Variants in LRRC7 observed in about 807,000 individuals in gnomAD.
LRRC7 encodes leucine-rich repeat-containing protein 7.
Under a neutral mutation model 175.7 loss-of-function variants are expected in LRRC7, and 23 were observed. The observed-to-expected ratio is 0.13, with a 90% CI of 0.09 to 0.19. The LOEUF (loss-of-function observed/expected upper bound fraction) is 0.19. LRRC7 is among the 10% of genes least tolerant of loss of function. LRRC7 has a pLI of 1.00. For missense variants in LRRC7, 1,354 were observed against 1,904.7 expected (o/e 0.71, Z 5.38); for synonymous variants, 685 against 680.9 (o/e 1.01, Z -0.09).
chr1:69,706,473 T>A (rs1393550074), intron 2 of LRRC7, among the ~76,000 whole-genome samples: 1 of 152,220 alleles, frequency 6.6e-6, no homozygotes, highest in Non-Finnish European at 1.5e-5. Flanking sequence ...AGAGACTAGA[T>A]CACACTGTTT....
intron 15 of LRRC7, among the ~76,000 whole-genome samples, chr1:70,020,613 C>G (rs552844528): frequency 1.2e-3 from 185 of 152,030 alleles, no homozygotes; most frequent in African/African-American, 4.3e-3. Flanking sequence ...TGAGCAAGTC[C>G]CTTAAAACTC....
chr1:69,685,322 G>A (rs1167921199), intron 2 of LRRC7, among the ~76,000 whole-genome samples: 1 of 152,054 alleles, frequency 6.6e-6, no homozygotes, highest in Non-Finnish European at 1.5e-5. Flanking sequence ...TCAAAATGCA[G>A]TTGACTGTAA....
intron 2 of LRRC7, among the ~76,000 whole-genome samples, chr1:69,708,183 A>G (rs1624122): frequency 0.075 from 11,449 of 152,276 alleles, 542 homozygotes; most frequent in African/African-American, 0.13. Context: ...AAACCTAAGT[A>G]AAAACAATGT....
intron 7 of LRRC7, among the ~76,000 whole-genome samples, chr1:69,889,838 A>AGAGGAGGAG (rs60974303): frequency 6.6e-6 from 1 of 150,974 alleles, no homozygotes; most frequent in Admixed American, 6.6e-5. Context: ...AAGAAGAAGG[A>AGAGGAGGAG]GAGGAGGAGG....
At position 70,128,999 on chromosome 1, in the gene LRRC7, A is replaced by G. The variant is rs1325113197; in HGVS notation, c.*7112A>G. Among the ~76,000 whole-genome samples, 1 of 152,088 alleles carries G rather than the reference A, an allele frequency of 6.6e-6. No individual in the cohort carries two copies. Among genetic ancestry groups the G allele is most frequent in the Non-Finnish European group, 1.5e-5 (1 of 68,024 alleles). On this transcript the variant is annotated 3_prime_UTR_variant, in exon 27 of 27. Transcript: ENST00000651989. Reference sequence around the variant, plus strand: ...GGTGACTTATGCCTGTAATCCCAGCACTTAGGGAGGCCGAGGCAGGTGGAT... The same window carrying G: ...GGTGACTTATGCCTGTAATCCCAGCGCTTAGGGAGGCCGAGGCAGGTGGAT...
Position 70,028,266 on chromosome 1 carries a change from T to C in LRRC7, c.1890T>C (p.His630=), listed in dbSNP as rs1658336166. The C allele has an allele frequency of 1.9e-6, 3 of 1,613,792 alleles. No homozygotes were observed. The highest frequency in any genetic ancestry group is 2.5e-6 in the Non-Finnish European group (3 of 1,179,776). Residue 630 remains histidine (H), a synonymous_variant, in exon 18 of 27, where the codon CAT becomes CAC. Coordinates refer to ENST00000651989, the MANE Select transcript of LRRC7 (RefSeq NM_001370785.2). ...SVQNLVGKPS[H]GVRVENSNPT... The stretch of plus-strand genomic sequence containing the variant: ...AAAATTTGGTGGGTAAGCCAAGCCA[T>C]GGAGTGCGTGTTGAGAATTCAAATC...
intron 2 of LRRC7, among the ~76,000 whole-genome samples, chr1:69,736,982 T>C (rs910896418): frequency 2.6e-5 from 4 of 152,148 alleles, no homozygotes; most frequent in Non-Finnish European, 5.9e-5. Flanking sequence ...TACTGTTTAC[T>C]TCTTCATAGC....
At chr1:69,964,158 A>G (rs1409312854) in intron 8 of LRRC7, among the ~76,000 whole-genome samples, 1 of 152,186 alleles carries the variant, frequency 6.6e-6, no homozygotes, top group Admixed American at 6.6e-5. Flanking sequence ...CTTTGGGCAC[A>G]TTCGTTTGGT....
chr1:69,929,894 C>T (rs12751773), intron 7 of LRRC7, among the ~76,000 whole-genome samples: 54,874 of 151,990 alleles, frequency 0.36, 12,133 homozygotes, highest in East Asian at 0.55. Context: ...CTCCCTCTCT[C>T]TCTCTTCTTT....
chr1:69,633,540 TG>T (rs1289869171), intron 1 of LRRC7, among the ~76,000 whole-genome samples: 1 of 152,088 alleles, frequency 6.6e-6, no homozygotes, highest in Non-Finnish European at 1.5e-5. Flanking sequence ...TCAATTCTCC[TG>T]CCTCAGCCTC....
intron 5 of LRRC7, among the ~76,000 whole-genome samples, chr1:69,830,295 G>T (rs1045897527): frequency 6.6e-5 from 10 of 151,752 alleles, no homozygotes; most frequent in Non-Finnish European, 1.5e-4. Flanking sequence ...GTGACCAAGT[G>T]TCTCTGTTTG....
At chr1:69,727,348 G>C (rs978588429) in intron 2 of LRRC7, among the ~76,000 whole-genome samples, 8 of 152,056 alleles carry the variant, frequency 5.3e-5, no homozygotes, top group Non-Finnish European at 8.8e-5. Flanking sequence ...TGCTGTAAGG[G>C]GTTTTTATAA....
intron 18 of LRRC7, among the ~76,000 whole-genome samples, chr1:70,031,482 ATACCTAGGAGT>A (rs1658715146): frequency 6.6e-6 from 1 of 152,192 alleles, no homozygotes; most frequent in Non-Finnish European, 1.5e-5. Context: ...ACCAAAATAA[ATACCTAGGAGT>A]TTCATTTAAG....
intron 25 of LRRC7, among the ~76,000 whole-genome samples, chr1:70,093,315 A>G (rs1664159872): frequency 6.6e-6 from 1 of 152,148 alleles, no homozygotes. Flanking sequence ...GCTCTTTATA[A>G]ATATGAATTT....
chr1:69,694,456 C>T (rs1662298596), intron 2 of LRRC7, among the ~76,000 whole-genome samples: 1 of 152,170 alleles, frequency 6.6e-6, no homozygotes, highest in East Asian at 1.9e-4. Flanking sequence ...TCATTCCAGA[C>T]ATTCCACACT....
intron 2 of LRRC7, among the ~76,000 whole-genome samples, chr1:69,709,014 C>T (rs1412303072): frequency 2.0e-5 from 3 of 152,160 alleles, no homozygotes; most frequent in Non-Finnish European, 2.9e-5. Flanking sequence ...ATCCGATCTA[C>T]TACAAAAAGG....
intron 4 of LRRC7, among the ~76,000 whole-genome samples, chr1:69,814,321 T>C (rs1678325568): frequency 6.6e-6 from 1 of 152,162 alleles, no homozygotes; most frequent in South Asian, 2.1e-4. Context: ...ATCATATTGC[T>C]TAATACAGCT....
rs747733940 is a variant in LRRC7 at position 70,038,960 on chromosome 1, C to G, written c.3136C>G (p.Leu1046Val). Residue 1046 changes from leucine (L) to valine (V), a missense_variant, in exon 21 of 27, where the codon CTC becomes GTC. By Grantham distance (32) the Leu-to-Val change is conservative. Around this residue, in one of 4 missense-constraint regions of LRRC7, gnomAD observed 1,032 missense variants for 1,227.2 expected, o/e 0.84. Transcript: ENST00000651989. Reference sequence around the variant, plus strand: ...AGTCCCAATGCTGGATGATGAGATGCTCACCTACGGAAGTAGTAAGGGGCC... The same window carrying G: ...AGTCCCAATGCTGGATGATGAGATGGTCACCTACGGAAGTAGTAAGGGGCC... ...QSVPMLDDEM[L>V]TYGSSKGPQQ... The G allele has an allele frequency of 2.5e-6, 4 of 1,613,824 alleles. No individual in the cohort carries two copies. Among genetic ancestry groups the G allele is most frequent in the Non-Finnish European group, 3.4e-6 (4 of 1,179,982 alleles).
chr1:69,980,331 T>C (rs1653291350), intron 8 of LRRC7, 48 bp from the exon 9 acceptor site: 1 of 1,401,052 alleles, frequency 7.1e-7, no homozygotes, highest in Non-Finnish European at 1.0e-6. Context: ...AAGTAAAAAC[T>C]AATTTAATTT....
Sources: gnomAD v4.1 joint callset for allele counts (sites outside exome capture counted in the v4.1 genomes callset) on GRCh38, gnomAD v4.1.1 for gene constraint, gnomAD v4.1.1 regional missense constraint, MANE v1.5 for transcripts, NCBI Gene and HGNC (gene_info 2026-07-23, HGNC 2026-07-21) for gene names.